DLG2: variants seen among roughly 807,000 people sequenced by gnomAD.
DLG2 encodes disks large homolog 2.
In DLG2, 45 loss-of-function variants were observed where a neutral mutation model predicts 132.5. The observed-to-expected ratio is 0.34, with a 90% CI of 0.27 to 0.44. The LOEUF (loss-of-function observed/expected upper bound fraction) is 0.44. Ranked by LOEUF, DLG2 falls within the 20% of genes least tolerant of loss-of-function variation. DLG2 has a pLI of 1.00. For synonymous variants in DLG2, 424 were observed against 419.6 expected (o/e 1.01, Z -0.13); for missense variants, 1,045 against 1,196.9 (o/e 0.87, Z 1.87).
At chr11:83,705,697 T>A (rs895362027) in intron 18 of DLG2, among the ~76,000 whole-genome samples, 1 of 152,200 alleles carries the variant, frequency 6.6e-6, no homozygotes, top group Non-Finnish European at 1.5e-5. Flanking sequence ...TAGAAACGTT[T>A]ACAGTTTCTA....
intron 16 of DLG2, among the ~76,000 whole-genome samples, chr11:83,864,781 A>G (rs1008316289): frequency 6.6e-6 from 1 of 151,940 alleles, no homozygotes; most frequent in Non-Finnish European, 1.5e-5. Flanking sequence ...TCCTGATGGA[A>G]TTTAAGAGTC....
intron 8 of DLG2, among the ~76,000 whole-genome samples, chr11:84,191,503 T>G (rs1300362908): frequency 6.6e-6 from 1 of 152,214 alleles, no homozygotes; most frequent in Non-Finnish European, 1.5e-5. Flanking sequence ...ATTATTTCAT[T>G]TGTTAAACAA....
At chr11:84,998,792 T>C (rs902913362) in intron 6 of DLG2, among the ~76,000 whole-genome samples, 50 of 152,148 alleles carry the variant, frequency 3.3e-4, no homozygotes, top group African/African-American at 1.2e-3. Context: ...CTGCCCACCA[T>C]GTATGGAACT....
intron 6 of DLG2, among the ~76,000 whole-genome samples, chr11:85,021,994 T>C (rs2060116340): frequency 6.6e-6 from 1 of 152,156 alleles, no homozygotes; most frequent in Non-Finnish European, 1.5e-5. Context: ...TAAAACTAGC[T>C]TTAAACTAAT....
intron 5 of DLG2, among the ~76,000 whole-genome samples, chr11:85,136,032 C>A (rs921604386): frequency 5.3e-5 from 8 of 152,138 alleles, no homozygotes; most frequent in African/African-American, 1.9e-4. Context: ...GAATTGCGTG[C>A]ACTCTATTGT....
chr11:83,651,911 A>G, intron 18 of DLG2: 1 of 470,844 alleles, frequency 2.1e-6, no homozygotes, highest in Non-Finnish European at 4.4e-6. Context: ...CCCTGGTGAA[A>G]TCTTATGTGA....
chr11:84,453,072 A>G (rs2099056058), intron 7 of DLG2, among the ~76,000 whole-genome samples: 1 of 150,412 alleles, frequency 6.6e-6, no homozygotes, highest in South Asian at 2.1e-4. Flanking sequence ...ATAAATTTTC[A>G]AAAAAAAATA....
chr11:83,651,701 C>T, intron 18 of DLG2: 3 of 328,110 alleles, frequency 9.1e-6, no homozygotes, highest in South Asian at 8.1e-5. Context: ...AATTACTAAC[C>T]AGAAAGAGAA....
intron 4 of DLG2, among the ~76,000 whole-genome samples, chr11:85,243,147 A>T (rs570632122): frequency 6.6e-6 from 1 of 152,116 alleles, no homozygotes; most frequent in South Asian, 2.1e-4. Context: ...CAGTTGAAAC[A>T]GCTTTCTGTA....
In DLG2 at chr11:85,095,389, T is replaced by C. The variant is rs556040099; in HGVS notation, c.357+16272A>G. On this transcript the variant is annotated intron_variant, in intron 6 of 27. Transcript: ENST00000376104. ...GGTGCAATAAAATGAGTCATTTTTG[T>C]ATTGTAAACATTCTCTTATTTGCTC... Among the ~76,000 whole-genome samples, 3 of 152,340 alleles carry C rather than the reference T, an allele frequency of 2.0e-5. No individual in the cohort carries two copies. In the East Asian group the frequency reaches 5.8e-4, roughly 29 times the overall value.
chr11:85,091,522 G>A lies in DLG2; in HGVS notation c.357+20139C>T, dbSNP rs1429894403. 2.6e-5 allele frequency among the ~76,000 whole-genome samples: 4 copies of A among 152,248 alleles called. No individual in the cohort carries two copies. The South Asian group carries it at 8.3e-4, about 32-fold the overall frequency. Reference sequence around the variant, plus strand: ...GAAAAATTTCTTTGTAGCACATGACGCTGTTTGATAGCATTCTACCCATAG... The same window carrying A: ...GAAAAATTTCTTTGTAGCACATGACACTGTTTGATAGCATTCTACCCATAG... On this transcript the variant is annotated intron_variant, in intron 6 of 27. Transcript: ENST00000376104.
intron 11 of DLG2, among the ~76,000 whole-genome samples, chr11:84,019,709 G>A (rs1207909541): frequency 6.6e-6 from 1 of 152,128 alleles, no homozygotes; most frequent in Non-Finnish European, 1.5e-5. Flanking sequence ...TGCATACAGG[G>A]AGAATGACAC....
chr11:83,675,068 AAAAC>A (rs1199688754), intron 18 of DLG2, among the ~76,000 whole-genome samples: 1 of 152,234 alleles, frequency 6.6e-6, no homozygotes, highest in East Asian at 1.9e-4. Flanking sequence ...TAAAAGTGGA[AAAAC>A]AATCCAAAGT....
At chr11:83,538,153 C>T (rs2095945832) in intron 20 of DLG2, among the ~76,000 whole-genome samples, 1 of 152,176 alleles carries the variant, frequency 6.6e-6, no homozygotes, top group African/African-American at 2.4e-5. Context: ...AAGGCTGCTA[C>T]AAAGATGATT....
intron 21 of DLG2, among the ~76,000 whole-genome samples, chr11:83,518,637 A>C (rs2095378111): frequency 6.6e-6 from 1 of 152,198 alleles, no homozygotes; most frequent in African/African-American, 2.4e-5. Flanking sequence ...GGAGCTGTAG[A>C]CTGGAGCTGT....
rs184099564 is a variant in DLG2 at position 84,776,217 on chromosome 11, T to G, written c.358-241486A>C. Among the ~76,000 whole-genome samples, 9 of 152,286 alleles carry G rather than the reference T, an allele frequency of 5.9e-5. No homozygotes were observed. The East Asian group carries it at 1.2e-3, about 20-fold the overall frequency. On this transcript the variant is annotated intron_variant, in intron 6 of 27. Coordinates refer to ENST00000376104, the MANE Select transcript of DLG2 (RefSeq NM_001142699.3). ...TTTCCTAGGCTGGAGTGCAGTTGTG[T>G]GATCACAGCTCACTGCAGTCTTGAT...
intron 3 of DLG2, among the ~76,000 whole-genome samples, chr11:85,311,741 T>C (rs2080328453): frequency 6.6e-6 from 1 of 152,104 alleles, no homozygotes; most frequent in Non-Finnish European, 1.5e-5. Flanking sequence ...GCCCTTCAAA[T>C]ATTGAAGATA....
intron 3 of DLG2, among the ~76,000 whole-genome samples, chr11:85,489,493 A>G (rs928226443): frequency 2.6e-5 from 4 of 152,156 alleles, no homozygotes; most frequent in African/African-American, 9.7e-5. Flanking sequence ...ATAACACTAG[A>G]CAAATCATCG....
At chr11:84,936,550 CAATAT>C (rs1169738485) in intron 6 of DLG2, 1 of 151,756 alleles carries the variant, frequency 6.6e-6, no homozygotes. Context: ...TATATATGTG[CAATAT>C]AATACAATTC....
Sources: allele counts gnomAD v4.1 joint callset (sites outside exome capture counted in the v4.1 genomes callset), GRCh38; gene constraint gnomAD v4.1.1; transcripts MANE v1.5; gene names NCBI Gene and HGNC (gene_info 2026-07-23, HGNC 2026-07-21).